CFTR: variants seen among roughly 807,000 people sequenced by gnomAD.
CFTR encodes the protein CF transmembrane conductance regulator, also known as cystic fibrosis transmembrane conductance regulator.
A neutral mutation model predicts 171.6 loss-of-function variants in CFTR; 181 were observed. That is an observed-to-expected ratio of 1.05 (90% CI 0.93 to 1.19). The LOEUF (loss-of-function observed/expected upper bound fraction) is 1.19, where lower values mean the gene tolerates loss of function less well. CFTR is among the 50% of genes most tolerant of loss of function. The pLI, the probability that CFTR is intolerant of heterozygous loss-of-function variation, is 0.00. For synonymous variants in CFTR, 583 were observed against 608.0 expected, an observed-to-expected ratio of 0.96 and a Z score of 0.60; for missense variants, 1,968 against 1,734.7, an observed-to-expected ratio of 1.13 and a Z score of -2.39.
intron 20 of CFTR, among the ~76,000 whole-genome samples, chr7:117,612,043 A>ATATATATATATATATATATATC (rs1792412030): frequency 1.4e-5 from 1 of 72,256 alleles, no homozygotes; most frequent in African/African-American, 6.3e-5. Flanking sequence ...ATATATATAT[A>ATATATATATATATATATATATC]TATATATATA....
At chr7:117,525,079 C>A (rs1181642106) in intron 3 of CFTR, among the ~76,000 whole-genome samples, 1 of 152,138 alleles carries the variant, frequency 6.6e-6, no homozygotes, top group Non-Finnish European at 1.5e-5. Flanking sequence ...AAACAGTTAA[C>A]ATGTAATATT....
intron 1 of CFTR, among the ~76,000 whole-genome samples, chr7:117,488,885 C>A (rs1798114372): frequency 6.6e-6 from 1 of 151,944 alleles, no homozygotes; most frequent in Non-Finnish European, 1.5e-5. Flanking sequence ...ACTTGTCAGC[C>A]ACAAGGCCCA....
At chr7:117,547,591 G>A (rs1287474561) in intron 9 of CFTR, among the ~76,000 whole-genome samples, 1 of 152,034 alleles carries the variant, frequency 6.6e-6, no homozygotes, top group East Asian at 1.9e-4. Context: ...TTGACTCTAA[G>A]AATAGATAGG....
chr7:117,649,204 T>C (rs1394703774), intron 23 of CFTR, among the ~76,000 whole-genome samples: 3 of 151,376 alleles, frequency 2.0e-5, no homozygotes, highest in Admixed American at 2.0e-4. Context: ...TTTTAATGGG[T>C]TGTTAGTATT....
In CFTR at chr7:117,657,756, G is replaced by A. The variant is rs1027546860; in HGVS notation, c.3963+4825G>A. Among the ~76,000 whole-genome samples the A allele has an allele frequency of 1.1e-4, 17 of 152,254 alleles. No individual in the cohort carries two copies. The South Asian group carries it at 1.7e-3, about 15-fold the overall frequency. ...TAAATGAACAGAGTAATGACAAATA[G>A]CCAGACACCTGAATCTTATCCCAAC... On this transcript the variant is annotated intron_variant, in intron 24 of 26. Transcript: ENST00000003084.
rs1488924043 is a variant in CFTR at position 117,608,797 on chromosome 7, AG to A, written c.2989-1721del. 2.0e-5 allele frequency among the ~76,000 whole-genome samples: 3 copies of A among 152,170 alleles called. No individual in the cohort carries two copies. The South Asian group carries it at 6.2e-4, about 32-fold the overall frequency. On this transcript the variant is annotated intron_variant, in intron 18 of 26. Coordinates refer to ENST00000003084, the MANE Select transcript of CFTR (RefSeq NM_000492.4). Reference sequence around the variant, plus strand: ...AATTTCATTCTATTCATGATATTTCAGAAGCAGATCTGTTGCACAAAATAAA... The same window carrying A: ...AATTTCATTCTATTCATGATATTTCAAAGCAGATCTGTTGCACAAAATAAA...
chr7:117,500,410 CCG>C (rs1409687182), intron 1 of CFTR, among the ~76,000 whole-genome samples: 5 of 151,680 alleles, frequency 3.3e-5, no homozygotes, highest in Non-Finnish European at 1.5e-5. Flanking sequence ...CCTCAGCCTC[CCG>C]CGTAGCTGGG....
intron 23 of CFTR, among the ~76,000 whole-genome samples, chr7:117,647,963 T>C (rs1793019739): frequency 6.6e-6 from 1 of 150,596 alleles, no homozygotes; most frequent in Non-Finnish European, 1.5e-5. Context: ...CTGTGATATT[T>C]ATAAGCATTT....
At chr7:117,569,768 T>A (rs1008120681) in intron 11 of CFTR, among the ~76,000 whole-genome samples, 3 of 152,090 alleles carry the variant, frequency 2.0e-5, no homozygotes, top group Non-Finnish European at 4.4e-5. Flanking sequence ...TGTGTGTGGA[T>A]GCAAATATGA....
intron 11 of CFTR, among the ~76,000 whole-genome samples, chr7:117,585,061 A>G (rs921197001): frequency 1.3e-5 from 2 of 151,740 alleles, no homozygotes; most frequent in Non-Finnish European, 2.9e-5. Flanking sequence ...CTTATCTTCT[A>G]TCTGTTTCTT....
chr7:117,592,212 CA>C lies in CFTR; in HGVS notation c.2052del (p.Lys684AsnfsTer38), dbSNP rs121908746. The C allele has an allele frequency of 5.1e-5, 82 of 1,613,466 alleles. No individual in the cohort carries two copies. The highest frequency in any genetic ancestry group is 1.6e-4 in the Middle Eastern group (1 of 6,062). On this transcript the variant is annotated frameshift_variant, in exon 14 of 27. Transcript: ENST00000003084. LOFTEE classifies it high-confidence loss of function. ...EGDAPVSWTE[T>X]KKQSFKQTGE... ...GATGCTCCTGTCTCCTGGACAGAAA[CA>C]AAAAAACAATCTTTTAAACAGACTG...
chr7:117,567,556 T>C (rs1458458077), intron 11 of CFTR, among the ~76,000 whole-genome samples: 1 of 152,222 alleles, frequency 6.6e-6, no homozygotes, highest in East Asian at 1.9e-4. Flanking sequence ...ATTTTATAAA[T>C]TAAAGAAATA....
At chr7:117,594,191 T>C (rs958902944) in intron 14 of CFTR, among the ~76,000 whole-genome samples, 3 of 152,134 alleles carry the variant, frequency 2.0e-5, no homozygotes, top group Admixed American at 1.3e-4. Context: ...TCCAGATCTG[T>C]CTGACTCAAA....
intron 21 of CFTR, among the ~76,000 whole-genome samples, chr7:117,620,162 T>C (rs1358750341): frequency 1.3e-5 from 2 of 152,190 alleles, no homozygotes; most frequent in Admixed American, 6.5e-5. Context: ...TATATTTTCC[T>C]CTCATGACCT....
chr7:117,633,499 T>A (rs1041952123), intron 22 of CFTR, among the ~76,000 whole-genome samples: 2 of 152,156 alleles, frequency 1.3e-5, no homozygotes, highest in African/African-American at 4.8e-5. Flanking sequence ...TTATCTCCTT[T>A]TCTTATTTCA....
chr7:117,538,210 G>A (rs952430324), intron 7 of CFTR, among the ~76,000 whole-genome samples: 3 of 152,164 alleles, frequency 2.0e-5, no homozygotes, highest in Non-Finnish European at 4.4e-5. Flanking sequence ...TAATGTTCTG[G>A]AAGAGATTGG....
At chr7:117,665,424 G>T (rs771486507) in intron 25 of CFTR, 35 bp from the exon 26 acceptor site, 2 of 1,164,686 alleles carry the variant, frequency 1.7e-6, no homozygotes, top group Non-Finnish European at 2.6e-6. Flanking sequence ...TTACTGTTCT[G>T]TGATATTATG....
intron 8 of CFTR, 131 bp downstream of exon 8, chr7:117,540,477 T>A: frequency 2.5e-6 from 2 of 815,198 alleles, no homozygotes; most frequent in Non-Finnish European, 3.8e-6. Context: ...GTTATAAAAG[T>A]TGCCAGCTAA....
chr7:117,574,636 C>T (rs1276943931), intron 11 of CFTR, among the ~76,000 whole-genome samples: 3 of 152,000 alleles, frequency 2.0e-5, no homozygotes, highest in Admixed American at 1.3e-4. Context: ...TTGATAGGGG[C>T]GAAGACAAAT....
Sources: allele counts gnomAD v4.1 joint callset (sites outside exome capture counted in the v4.1 genomes callset), GRCh38; gene constraint gnomAD v4.1.1; transcripts MANE v1.5; gene names NCBI Gene and HGNC (gene_info 2026-07-23, HGNC 2026-07-21).